EFNA5: variants seen among roughly 807,000 people sequenced by gnomAD.
EFNA5 encodes the protein ephrin A5, also known as ephrin-A5.
In EFNA5, 5 loss-of-function variants were observed where a neutral mutation model predicts 22.9. The observed-to-expected ratio is 0.22, with a 90% CI of 0.11 to 0.46. The LOEUF is 0.46. Ranked by LOEUF, EFNA5 falls within the 20% of genes least tolerant of loss-of-function variation. EFNA5 has a pLI of 0.99. For synonymous variants in EFNA5, 113 were observed against 112.2 expected, an observed-to-expected ratio of 1.01 and a Z score of -0.04; for missense variants, 237 against 293.3, an observed-to-expected ratio of 0.81 and a Z score of 1.40.
At chr5:107,433,942 G>T (rs1749041899) in intron 1 of EFNA5, among the ~76,000 whole-genome samples, 1 of 151,580 alleles carries the variant, frequency 6.6e-6, no homozygotes, top group Non-Finnish European at 1.5e-5. Flanking sequence ...GAACCTATCT[G>T]CAAGAAGTAA....
chr5:107,547,329 T>C (rs1463136548), intron 1 of EFNA5, among the ~76,000 whole-genome samples: 1 of 152,138 alleles, frequency 6.6e-6, no homozygotes, highest in Non-Finnish European at 1.5e-5. Flanking sequence ...GATCTGACTT[T>C]TGAGAGGAAA....
chr5:107,607,094 T>C (rs1749739409), intron 1 of EFNA5, among the ~76,000 whole-genome samples: 1 of 152,224 alleles, frequency 6.6e-6, no homozygotes. Flanking sequence ...GCCATTAGCC[T>C]TGAGTTTCAA....
At chr5:107,435,751 T>C (rs943485146) in intron 1 of EFNA5, among the ~76,000 whole-genome samples, 3 of 152,198 alleles carry the variant, frequency 2.0e-5, no homozygotes, top group Non-Finnish European at 4.4e-5. Flanking sequence ...GCAGCAGAAA[T>C]GCAGTATGCT....
rs561665387 is a variant in EFNA5 at position 107,480,303 on chromosome 5, C to T, written c.126-52794G>A. ...ACTTTTATCCACTCAATAGTCATTA[C>T]TTTTATTTAAAATTAAATTCAACTG... On this transcript the variant is annotated intron_variant, in intron 1 of 4. Transcript: ENST00000333274. 2.0e-5 allele frequency among the ~76,000 whole-genome samples: 3 copies of T among 152,320 alleles called. No individual in the cohort carries two copies. In the South Asian group the frequency reaches 6.2e-4, roughly 32 times the overall value.
chr5:107,579,785 C>T (rs745607932), intron 1 of EFNA5, among the ~76,000 whole-genome samples: 11 of 152,170 alleles, frequency 7.2e-5, no homozygotes, highest in Non-Finnish European at 1.6e-4. Flanking sequence ...CTTCAATATG[C>T]CCCACCTTGC....
chr5:107,444,041 C>T (rs1438240142), intron 1 of EFNA5, among the ~76,000 whole-genome samples: 1 of 152,112 alleles, frequency 6.6e-6, no homozygotes, highest in Non-Finnish European at 1.5e-5. Context: ...CTACGAGGAA[C>T]GTGGATGATA....
chr5:107,515,529 C>A (rs1340617937), intron 1 of EFNA5, among the ~76,000 whole-genome samples: 1 of 151,930 alleles, frequency 6.6e-6, no homozygotes, highest in Non-Finnish European at 1.5e-5. Context: ...CAGGCATGCG[C>A]CACCACACCA....
intron 1 of EFNA5, among the ~76,000 whole-genome samples, chr5:107,631,126 T>C (rs1254124528): frequency 6.6e-6 from 1 of 152,102 alleles, no homozygotes; most frequent in Non-Finnish European, 1.5e-5. Context: ...TCAAAAATAA[T>C]GATAAGAAGT....
intron 1 of EFNA5, among the ~76,000 whole-genome samples, chr5:107,575,318 A>G (rs751558754): frequency 3.3e-5 from 5 of 152,180 alleles, no homozygotes; most frequent in Non-Finnish European, 7.3e-5. Context: ...GGTGCACTTT[A>G]AATCCAGAAA....
intron 1 of EFNA5, among the ~76,000 whole-genome samples, chr5:107,567,818 T>A (rs1328786864): frequency 1.3e-5 from 2 of 152,242 alleles, no homozygotes; most frequent in East Asian, 3.8e-4. Context: ...ACTGGACATG[T>A]GAGGCAAAGT....
chr5:107,403,859 G>C (rs1748148000), intron 2 of EFNA5, among the ~76,000 whole-genome samples: 1 of 152,128 alleles, frequency 6.6e-6, no homozygotes, highest in East Asian at 1.9e-4. Context: ...TCTTTGTGCA[G>C]AGCTATTTTA....
intron 2 of EFNA5, among the ~76,000 whole-genome samples, chr5:107,391,875 A>G (rs1281034365): frequency 1.3e-5 from 2 of 152,220 alleles, no homozygotes; most frequent in Non-Finnish European, 2.9e-5. Flanking sequence ...TACTCTGCTA[A>G]TAAGGCCATG....
At chr5:107,554,691 C>A (rs1192465175) in intron 1 of EFNA5, among the ~76,000 whole-genome samples, 1 of 152,162 alleles carries the variant, frequency 6.6e-6, no homozygotes, top group African/African-American at 2.4e-5. Context: ...TTATACCTAA[C>A]AAATATCATG....
rs568704825 is a variant in EFNA5 at position 107,410,189 on chromosome 5, G to A, written c.418+17028C>T. Among the ~76,000 whole-genome samples, 391 of 151,990 alleles carry A rather than the reference G, an allele frequency of 2.6e-3. 4 individuals carry two copies. Among genetic ancestry groups the A allele is most frequent in the South Asian group, 0.018 (84 of 4,798 alleles). On this transcript the variant is annotated intron_variant, in intron 2 of 4. Transcript: ENST00000333274. Reference sequence around the variant, plus strand: ...ACTACAGGCACCCGCCACCACACCCGGCTAATTTCTTTTTGTATTTTTAGT... The same window carrying A: ...ACTACAGGCACCCGCCACCACACCCAGCTAATTTCTTTTTGTATTTTTAGT...
intron 1 of EFNA5, among the ~76,000 whole-genome samples, chr5:107,497,118 C>T (rs1747007760): frequency 1.3e-5 from 2 of 152,164 alleles, no homozygotes; most frequent in Admixed American, 1.3e-4. Flanking sequence ...AGTAAGTTGC[C>T]ATGGTATCGC....
intron 1 of EFNA5, among the ~76,000 whole-genome samples, chr5:107,650,178 G>A (rs747433116): frequency 6.6e-6 from 1 of 152,102 alleles, no homozygotes; most frequent in Non-Finnish European, 1.5e-5. Flanking sequence ...CACTGCAGAG[G>A]TACAAACAGC....
At chr5:107,460,878 C>T (rs1749819746) in intron 1 of EFNA5, among the ~76,000 whole-genome samples, 2 of 152,042 alleles carry the variant, frequency 1.3e-5, no homozygotes. Flanking sequence ...TTATTAGCAC[C>T]CCTCCCCTTT....
intron 1 of EFNA5, among the ~76,000 whole-genome samples, chr5:107,509,504 T>G (rs1424383625): frequency 8.1e-6 from 1 of 123,004 alleles, no homozygotes; most frequent in African/African-American, 3.1e-5. Flanking sequence ...TTTTTTTTTT[T>G]GTATTTTTAG....
chr5:107,480,740 C>G (rs1188971231), intron 1 of EFNA5, among the ~76,000 whole-genome samples: 1 of 152,166 alleles, frequency 6.6e-6, no homozygotes, highest in East Asian at 1.9e-4. Context: ...ATACAAGACT[C>G]TTGCAGTCAG....
Sources: allele counts gnomAD v4.1 joint callset (sites outside exome capture counted in the v4.1 genomes callset), GRCh38; gene constraint gnomAD v4.1.1; transcripts MANE v1.5; gene names NCBI Gene and HGNC (gene_info 2026-07-23, HGNC 2026-07-21).